The following KHDRBS2 variants were observed in gnomAD, a reference collection of about 807,000 sequenced individuals.
KHDRBS2 encodes KH RNA binding domain containing, signal transduction associated 2.
Under a neutral mutation model 44.3 loss-of-function variants are expected in KHDRBS2, and 26 were observed. The ratio of observed to expected loss-of-function variants is 0.59; its 90% confidence interval spans 0.43 to 0.81. The LOEUF (loss-of-function observed/expected upper bound fraction) is 0.81. Ranked by LOEUF, KHDRBS2 falls within the 40% of genes least tolerant of loss-of-function variation. The pLI is 0.00. For synonymous variants in KHDRBS2, 194 were observed against 151.1 expected (o/e 1.28, Z -2.08); for missense variants, 476 against 433.1 (o/e 1.10, Z -0.88).
chr6:62,060,314 T>C (rs888193364), intron 2 of KHDRBS2, among the ~76,000 whole-genome samples: 2 of 151,700 alleles, frequency 1.3e-5, no homozygotes, highest in East Asian at 2.0e-4. Flanking sequence ...AAGTAGGCTG[T>C]GGTATGATTA....
intron 4 of KHDRBS2, among the ~76,000 whole-genome samples, chr6:61,939,275 A>G (rs1811655015): frequency 6.6e-6 from 1 of 152,210 alleles, no homozygotes; most frequent in South Asian, 2.1e-4. Context: ...TCAAGTATTC[A>G]GTCGATTTGG....
chr6:61,702,173 T>C (rs1207296820), intron 7 of KHDRBS2, among the ~76,000 whole-genome samples: 1 of 151,948 alleles, frequency 6.6e-6, no homozygotes, highest in African/African-American at 2.4e-5. Context: ...GAGATACTGA[T>C]CAGCTCAAGA....
intron 4 of KHDRBS2, among the ~76,000 whole-genome samples, chr6:61,946,142 G>T (rs1266479799): frequency 4.6e-5 from 7 of 152,116 alleles, no homozygotes; most frequent in Non-Finnish European, 1.0e-4. Context: ...AAATCTTAAA[G>T]ACCAGATAAT....
chr6:61,575,141 C>T, the KHDRBS2 span, among the ~76,000 whole-genome samples: 4 of 152,080 alleles, frequency 2.6e-5, no homozygotes, highest in Non-Finnish European at 5.9e-5. Context: ...AAAGCTTCTG[C>T]ACAGAGAAAG....
In KHDRBS2 at chr6:62,127,563, TAA is replaced by T. The variant is rs201859280; in HGVS notation, c.219+49620_219+49621del. ...ATTTGAATAATGGTTTTTACTACAC[TAA>T]GTTTTTTTTTCTTACATTTTATAAA... On this transcript the variant is annotated intron_variant, in intron 2 of 8. Transcript: ENST00000281156. Among the ~76,000 whole-genome samples, 26 of 150,824 alleles carry T rather than the reference TAA, an allele frequency of 1.7e-4. 1 individual carries two copies. In the East Asian group the frequency reaches 4.9e-3, roughly 28 times the overall value.
At chr6:61,904,987 CA>C (rs1208589533) in intron 4 of KHDRBS2, among the ~76,000 whole-genome samples, 1 of 152,156 alleles carries the variant, frequency 6.6e-6, no homozygotes, top group African/African-American at 2.4e-5. Flanking sequence ...CTATCCCATT[CA>C]ACATACTTTA....
intron 6 of KHDRBS2, among the ~76,000 whole-genome samples, chr6:61,827,192 C>T (rs1441802836): frequency 6.6e-6 from 1 of 152,154 alleles, no homozygotes; most frequent in Non-Finnish European, 1.5e-5. Flanking sequence ...CTTTGAATAG[C>T]TCTGCACTAG....
At chr6:61,857,587 A>G (rs1261824109) in intron 6 of KHDRBS2, among the ~76,000 whole-genome samples, 1 of 111,570 alleles carries the variant, frequency 9.0e-6, no homozygotes, top group Non-Finnish European at 2.0e-5. Context: ...TTTACTTCAT[A>G]TTTATTTTTC....
chr6:61,773,273 C>T (rs1562142388), intron 6 of KHDRBS2, among the ~76,000 whole-genome samples: 2 of 152,150 alleles, frequency 1.3e-5, no homozygotes, highest in Non-Finnish European at 2.9e-5. Flanking sequence ...TAAAAGTGTT[C>T]CTATATCTCC....
rs114054828 is a variant in KHDRBS2, at chr6:62,210,394, A to G, written c.92-33082T>C. Among the ~76,000 whole-genome samples, 404 of 149,578 alleles carry G rather than the reference A, an allele frequency of 2.7e-3. 1 individual carries two copies. Among genetic ancestry groups the G allele is most frequent in the African/African-American group, 9.6e-3 (390 of 40,462 alleles). On this transcript the variant is annotated intron_variant, in intron 1 of 8. Transcript: ENST00000281156. The stretch of plus-strand genomic sequence containing the variant: ...CCCCTAGGCTGGAGTTTGATGGCAC[A>G]ATCTTGGCTCATTGCAAACTCCGCC...
At chr6:61,991,887 C>A (rs931434102) in intron 3 of KHDRBS2, among the ~76,000 whole-genome samples, 23 of 152,122 alleles carry the variant, frequency 1.5e-4, no homozygotes, top group African/African-American at 5.6e-4. Context: ...AGATGTTGCC[C>A]ACTGGGAAGG....
In KHDRBS2 at chr6:62,103,614, C is replaced by T. The variant is rs990427536; in HGVS notation, c.220-55620G>A. Among the ~76,000 whole-genome samples, 14 of 143,710 alleles carry T rather than the reference C, an allele frequency of 9.7e-5. No individual in the cohort carries two copies. The East Asian group carries it at 1.3e-3, about 13-fold the overall frequency. The allele number at this position is 143,710 out of a possible 152,430, so 94.3% of individuals were successfully genotyped here. A position where few individuals can be genotyped will look rare whatever the true frequency, so the allele number is the denominator to read the frequency against. Reference sequence around the variant, plus strand: ...GTCCAGAACCAGGCAGAAGCAGCTGCGCCCAGGAGCGCAGGCTTCCACCCC... The same window carrying T: ...GTCCAGAACCAGGCAGAAGCAGCTGTGCCCAGGAGCGCAGGCTTCCACCCC... On this transcript the variant is annotated intron_variant, in intron 2 of 8. Coordinates refer to ENST00000281156, the MANE Select transcript of KHDRBS2 (RefSeq NM_152688.4).
chr6:62,005,857 A>G (rs1779117376), intron 3 of KHDRBS2, among the ~76,000 whole-genome samples: 1 of 151,992 alleles, frequency 6.6e-6, no homozygotes, highest in Admixed American at 6.6e-5. Context: ...AGTAAAATAT[A>G]TAAAATTCAA....
intron 6 of KHDRBS2, among the ~76,000 whole-genome samples, chr6:61,848,577 A>G (rs1009613512): frequency 0.03 from 1,844 of 60,960 alleles, 132 homozygotes; most frequent in Non-Finnish European, 0.044. Context: ...ATATATATAC[A>G]TATATATATA....
At chr6:61,670,799 C>G in the KHDRBS2 span, among the ~76,000 whole-genome samples, 1 of 148,406 alleles carries the variant, frequency 6.7e-6, no homozygotes, top group Non-Finnish European at 1.5e-5. Context: ...TTAATGTTAA[C>G]AGTTGTTATT....
intron 2 of KHDRBS2, among the ~76,000 whole-genome samples, chr6:62,052,852 G>C (rs760398514): frequency 5.3e-5 from 8 of 152,006 alleles, no homozygotes; most frequent in African/African-American, 1.9e-4. Context: ...CCTGCTATGC[G>C]GCCTGGTTCC....
chr6:61,709,898 T>A (rs1343977337), intron 7 of KHDRBS2, among the ~76,000 whole-genome samples: 1 of 151,670 alleles, frequency 6.6e-6, no homozygotes, highest in Non-Finnish European at 1.5e-5. Context: ...GTGCTGTAAA[T>A]ATCAGTATAA....
intron 2 of KHDRBS2, among the ~76,000 whole-genome samples, chr6:62,114,006 T>C (rs1761599808): frequency 6.6e-6 from 1 of 152,074 alleles, no homozygotes; most frequent in Non-Finnish European, 1.5e-5. Flanking sequence ...AAACACATTC[T>C]TCACAAGGCG....
the KHDRBS2 span, among the ~76,000 whole-genome samples, chr6:61,579,093 C>T: frequency 9.2e-5 from 14 of 152,202 alleles, no homozygotes; most frequent in East Asian, 1.9e-4. Flanking sequence ...TAAGCACATG[C>T]GTAGGCTCAG....
Sources: allele counts gnomAD v4.1 joint callset (sites outside exome capture counted in the v4.1 genomes callset), GRCh38; gene constraint gnomAD v4.1.1; transcripts MANE v1.5; gene names NCBI Gene and HGNC (gene_info 2026-07-23, HGNC 2026-07-21).